The following TSPAN33 variants were observed in gnomAD, a reference collection of about 807,000 sequenced individuals.
TSPAN33 encodes tetraspanin-33.
TSPAN33 carries 27 observed loss-of-function variants against 34.8 expected under a neutral mutation model. The ratio of observed to expected loss-of-function variants is 0.78; its 90% confidence interval spans 0.57 to 1.07. The LOEUF (loss-of-function observed/expected upper bound fraction) is 1.07, where lower values mean the gene tolerates loss of function less well. Ranked by LOEUF, TSPAN33 falls within the 50% of genes least tolerant of loss-of-function variation. The probability of loss-of-function intolerance (pLI) is 0.00; values close to 1 mark genes in which losing one functional copy is unlikely to be tolerated. For missense variants in TSPAN33, 272 were observed against 324.9 expected (o/e 0.84, Z 1.25); for synonymous variants, 119 against 124.2 (o/e 0.96, Z 0.28).
At chr7:129,162,089 A>G (rs1003215012) in intron 2 of TSPAN33, among the ~76,000 whole-genome samples, 1 of 152,256 alleles carries the variant, frequency 6.6e-6, no homozygotes, top group Admixed American at 6.5e-5. Context: ...ACCAGGAAAC[A>G]GAATCTGCAA....
At chr7:129,157,240 A>G (rs1317684231) in intron 1 of TSPAN33, among the ~76,000 whole-genome samples, 1 of 152,166 alleles carries the variant, frequency 6.6e-6, no homozygotes. Flanking sequence ...TTTTGGCCTC[A>G]TCTATAAAAA....
Position 129,169,448 on chromosome 7 carries a change from G to C in TSPAN33, c.*1574G>C, listed in dbSNP as rs1015171346. 9 of 152,426 alleles carry C rather than the reference G, an allele frequency of 5.9e-5. No homozygotes were observed. Among genetic ancestry groups the C allele is most frequent in the Non-Finnish European group, 4.4e-5 (3 of 68,096 alleles). 9.4% of individuals were successfully genotyped at this position (152,426 alleles called of 1,614,324 possible). A position where few individuals can be genotyped will look rare whatever the true frequency, so the allele number is the denominator to read the frequency against. ...GCTGCTTGCCCAGCGAGTGTTCCCGGAGTCTCCTCGCCGCACCCCGCTATC... is the reference window on the plus strand; with the variant it reads ...GCTGCTTGCCCAGCGAGTGTTCCCGCAGTCTCCTCGCCGCACCCCGCTATC... On this transcript the variant is annotated 3_prime_UTR_variant, in exon 8 of 8. Transcript: ENST00000486685.
chr7:129,165,554 CA>C lies in TSPAN33; in HGVS notation c.459+986del, dbSNP rs1793125446. Among the ~76,000 whole-genome samples the C allele has an allele frequency of 6.6e-6, 1 of 152,156 alleles. No homozygotes were observed. The highest frequency in any genetic ancestry group is 2.4e-5 in the African/African-American group (1 of 41,424). ...ACATTTTGTTTATCCATTCATTCAC[CA>C]GTGGAGAAAAGGGTTGCTTCCACCG... is the stretch of plus-strand genomic sequence containing the variant. On this transcript the variant is annotated intron_variant, in intron 5 of 7. Transcript: ENST00000486685. This position sits in a 1 kb window ranked among gnomAD's most constrained non-coding sequence, Gnocchi z 4.5.
At chr7:129,151,372 G>A (rs1810591480) in intron 1 of TSPAN33, among the ~76,000 whole-genome samples, 1 of 151,932 alleles carries the variant, frequency 6.6e-6, no homozygotes, top group Non-Finnish European at 1.5e-5. Context: ...TCCTCACTTT[G>A]GCCTCCCAAA....
chr7:129,163,008 C>T, intron 4 of TSPAN33, 101 bp downstream of exon 4: 5 of 1,111,380 alleles, frequency 4.5e-6, no homozygotes, highest in Non-Finnish European at 6.6e-6. Context: ...AGCTCCTTCC[C>T]CTGAGAAACA....
chr7:129,153,040 C>G (rs1268837079), intron 1 of TSPAN33, among the ~76,000 whole-genome samples: 1 of 79,850 alleles, frequency 1.3e-5, no homozygotes, highest in Non-Finnish European at 2.3e-5. Flanking sequence ...GCCTGGGCAA[C>G]AAGAGTGAAA....
At chr7:129,146,456 G>T (rs146924683) in intron 1 of TSPAN33, among the ~76,000 whole-genome samples, 2 of 152,374 alleles carry the variant, frequency 1.3e-5, no homozygotes, top group East Asian at 1.9e-4. Context: ...AAAGCACAGA[G>T]ATGTTAAATG....
chr7:129,163,212 G>A (rs1793078547), intron 4 of TSPAN33, among the ~76,000 whole-genome samples: 1 of 152,044 alleles, frequency 6.6e-6, no homozygotes, highest in Non-Finnish European at 1.5e-5. Flanking sequence ...CAATAATCAA[G>A]TGGACCACTG....
intron 1 of TSPAN33, among the ~76,000 whole-genome samples, chr7:129,151,302 T>A (rs1192736736): frequency 6.6e-6 from 1 of 152,008 alleles, no homozygotes; most frequent in African/African-American, 2.4e-5. Context: ...AATTTTTTTT[T>A]AGAGACTGGA....
At position 129,167,895 on chromosome 7, in the gene TSPAN33, C is replaced by T. The variant is rs963827581; in HGVS notation, c.*21C>T. The T allele has an allele frequency of 3.7e-6, 6 of 1,612,248 alleles. No homozygotes were observed. The highest frequency in any genetic ancestry group is 1.1e-5 in the South Asian group (1 of 90,740). ...ACTGAGAATCCATCCTGCACCTCCTCACCATGGAAACTGGCAAGCCTCATA... is the reference window on the plus strand; with the variant it reads ...ACTGAGAATCCATCCTGCACCTCCTTACCATGGAAACTGGCAAGCCTCATA... On this transcript the variant is annotated 3_prime_UTR_variant, in exon 8 of 8. Transcript: ENST00000486685. The surrounding 1 kb of genome is among the most constrained non-coding windows in gnomAD (Gnocchi z 4.6).
chr7:129,149,061 C>T (rs900441672), intron 1 of TSPAN33, among the ~76,000 whole-genome samples: 5 of 152,196 alleles, frequency 3.3e-5, no homozygotes, highest in Non-Finnish European at 5.9e-5. Flanking sequence ...TCCACCCCCG[C>T]CGTCTTCCCC....
chr7:129,153,717 G>A (rs1002124815), intron 1 of TSPAN33, among the ~76,000 whole-genome samples: 4 of 152,102 alleles, frequency 2.6e-5, no homozygotes, highest in Non-Finnish European at 5.9e-5. Context: ...ATGGCGGGTG[G>A]ATCACTTGAA....
intron 1 of TSPAN33, among the ~76,000 whole-genome samples, 178 bp downstream of exon 1, chr7:129,145,260 T>A (rs1366922251): frequency 6.6e-6 from 1 of 151,132 alleles, no homozygotes; most frequent in African/African-American, 2.4e-5. Flanking sequence ...GGGGGCGTTG[T>A]AGGGAGGAGG....
chr7:129,145,885 C>T (rs142681341), intron 1 of TSPAN33, among the ~76,000 whole-genome samples: 7 of 152,040 alleles, frequency 4.6e-5, no homozygotes, highest in African/African-American at 1.7e-4. Flanking sequence ...CTCCCTCCCC[C>T]ACAAATCCAA....
rs1040031375 is a variant in TSPAN33 at position 129,163,033 on chromosome 7, G to A, written c.363+126G>A. The A allele has an allele frequency of 6.0e-6, 5 of 838,978 alleles. No homozygotes were observed. In the African/African-American group the frequency reaches 8.5e-5, roughly 14 times the overall value. 52.0% of individuals were successfully genotyped at this position (838,978 alleles called of 1,614,324 possible). ...CCTGAGAAACATCAGTCGTTGAAAA[G>A]TTCATTAGGGGTGAATGAATAGCCT... On this transcript the variant is annotated intron_variant, in intron 4 of 7. Coordinates refer to ENST00000486685, the MANE Select transcript of TSPAN33 (RefSeq NM_178562.5).
intron 1 of TSPAN33, among the ~76,000 whole-genome samples, chr7:129,151,292 A>T (rs1332507722): frequency 2.6e-5 from 4 of 151,830 alleles, no homozygotes; most frequent in African/African-American, 9.7e-5. Context: ...ATGCCCAGCT[A>T]ATTTTTTTTT....
chr7:129,166,923 C>T lies in TSPAN33; in HGVS notation c.588+17C>T. On this transcript the variant is annotated intron_variant, in intron 6 of 7. Transcript: ENST00000486685. ...CCTGACCAGGTGAGCCAGCATCCTG[C>T]CTCATTTCCTCCTAGGCAGCGAGCT... The T allele has an allele frequency of 6.2e-7, 1 of 1,610,002 alleles. No individual in the cohort carries two copies. Among genetic ancestry groups the T allele is most frequent in the Non-Finnish European group, 8.5e-7 (1 of 1,178,458 alleles).
chr7:129,146,400 C>T (rs546067974), intron 1 of TSPAN33, among the ~76,000 whole-genome samples: 2 of 152,346 alleles, frequency 1.3e-5, no homozygotes, highest in African/African-American at 4.8e-5. Context: ...TTTTAGAAGA[C>T]ATCTTGTCCA....
chr7:129,157,532 T>C (rs953446055), intron 1 of TSPAN33, among the ~76,000 whole-genome samples: 3 of 152,238 alleles, frequency 2.0e-5, no homozygotes, highest in Admixed American at 2.0e-4. Flanking sequence ...GATCCCTGGC[T>C]GATTATTCTT....
Sources: gnomAD v4.1 joint callset for allele counts (sites outside exome capture counted in the v4.1 genomes callset) on GRCh38, gnomAD v4.1.1 for gene constraint, Gnocchi (gnomAD v3.1) non-coding constraint, MANE v1.5 for transcripts, NCBI Gene and HGNC (gene_info 2026-07-23, HGNC 2026-07-21) for gene names.